Variants in WIPI1 observed in about 807,000 individuals in gnomAD.
The protein encoded by WIPI1 is WD repeat domain phosphoinositide-interacting protein 1.
WIPI1 carries 45 observed loss-of-function variants against 55.3 expected under a neutral mutation model. That is an observed-to-expected ratio of 0.81 (90% CI 0.64 to 1.04). The LOEUF is 1.04. Ranked by LOEUF, WIPI1 falls within the 50% of genes least tolerant of loss-of-function variation. The probability of loss-of-function intolerance (pLI) is 0.00; values close to 1 mark genes in which losing one functional copy is unlikely to be tolerated. For synonymous variants in WIPI1, 195 were observed against 217.6 expected (o/e 0.90, Z 0.92); for missense variants, 445 against 559.0 (o/e 0.80, Z 2.06).
At chr17:68,430,494 T>G (rs2083459997) in intron 8 of WIPI1, among the ~76,000 whole-genome samples, 1 of 152,210 alleles carries the variant, frequency 6.6e-6, no homozygotes, top group South Asian at 2.1e-4. Flanking sequence ...TGAGATGGAC[T>G]TGATATCCAG....
At chr17:68,436,314 T>C in intron 5 of WIPI1, 68 bp downstream of exon 5, 1 of 1,457,892 alleles carries the variant, frequency 6.9e-7, no homozygotes, top group East Asian at 2.3e-5. Flanking sequence ...GGCGTCCTTA[T>C]CTATCTCCTT....
At chr17:68,455,770 TA>T (rs2084632085) in intron 1 of WIPI1, among the ~76,000 whole-genome samples, 1 of 152,234 alleles carries the variant, frequency 6.6e-6, no homozygotes, top group Non-Finnish European at 1.5e-5. Flanking sequence ...TTGCGTTATT[TA>T]ATGGCTAGAG....
Position 68,457,342 on chromosome 17 carries a change from G to C in WIPI1, c.80C>G (p.Thr27Arg), listed in dbSNP as rs1232249781. The change falls in exon 1 of 13, where the codon ACA becomes AGA. Residue 27 changes from threonine (T) to arginine (R), a missense_variant and splice_region_variant. Transcript: ENST00000262139. ...LSCFSFNQDC[T>R]SLATGTKAGY... The stretch of plus-strand genomic sequence containing the variant: ...TGGCAGGGGCCGAGTCGCAGCTTAC[G>C]TGCAGTCCTGGTTGAAAGAGAAGCA... 6.5e-7 allele frequency: 1 copy of C among 1,546,052 alleles called. No individual in the cohort carries two copies. The highest frequency in any genetic ancestry group is 2.0e-5 in the Admixed American group (1 of 51,186).
intron 1 of WIPI1, among the ~76,000 whole-genome samples, chr17:68,456,079 G>A (rs892588689): frequency 1.5e-4 from 23 of 152,308 alleles, no homozygotes; most frequent in Admixed American, 1.3e-3. Flanking sequence ...AATTGCACAT[G>A]ATATTTTGTG....
intron 7 of WIPI1, among the ~76,000 whole-genome samples, chr17:68,434,161 T>TC (rs1318135587): frequency 1.3e-5 from 2 of 152,166 alleles, no homozygotes; most frequent in Non-Finnish European, 2.9e-5. Context: ...CTTGGAATCT[T>TC]CCAGTTGCTC....
intron 1 of WIPI1, 34 bp downstream of exon 1, chr17:68,457,308 C>T (rs1432791985): frequency 1.3e-6 from 2 of 1,538,700 alleles, no homozygotes; most frequent in East Asian, 2.6e-5. Flanking sequence ...ACTCTGTCCC[C>T]CACCTCCCTG....
In WIPI1 at chr17:68,423,250, TC is replaced by T. The variant is rs79803247; in HGVS notation, c.1294-1431del. On this transcript the variant is annotated intron_variant, in intron 12 of 12. Transcript: ENST00000262139. The surrounding 1 kb of genome is among the most constrained non-coding windows in gnomAD (Gnocchi z 4.4). The stretch of plus-strand genomic sequence containing the variant: ...CAGAATAAGGAGACAGAGAGGAAGT[TC>T]CCTAGCATCCCTCGCTGAACATTTC... Among the ~76,000 whole-genome samples, 4,574 of 152,230 alleles carry T rather than the reference TC, an allele frequency of 0.03. 192 individuals are homozygous for T. The highest frequency in any genetic ancestry group is 0.18 in the South Asian group (858 of 4,822).
chr17:68,445,744 C>T (rs919536599), intron 3 of WIPI1, among the ~76,000 whole-genome samples: 2 of 152,188 alleles, frequency 1.3e-5, no homozygotes, highest in Admixed American at 1.3e-4. Context: ...GGGCAGACAT[C>T]GGTGCTGGTG....
chr17:68,427,466 C>T (rs555185209), intron 10 of WIPI1: 53 of 357,418 alleles, frequency 1.5e-4, no homozygotes, highest in Middle Eastern at 8.3e-4. Context: ...AAGCGATTCT[C>T]CTGCCTCAGC....
At chr17:68,457,073 C>G (rs1334945176) in intron 1 of WIPI1, among the ~76,000 whole-genome samples, 3 of 152,210 alleles carry the variant, frequency 2.0e-5, no homozygotes, top group African/African-American at 7.2e-5. Flanking sequence ...CCCCGCAGCC[C>G]CACCACTCCC....
chr17:68,450,701 G>C, intron 3 of WIPI1, 27 bp downstream of exon 3: 1 of 1,584,184 alleles, frequency 6.3e-7, no homozygotes. Flanking sequence ...CAGAAGCTTT[G>C]AAACCCTGAG....
At chr17:68,421,936 G>T in intron 12 of WIPI1, 116 bp from the exon 13 acceptor site, 1 of 1,347,966 alleles carries the variant, frequency 7.4e-7, no homozygotes. Context: ...GGGCACTGTG[G>T]AATTTTTCTG....
intron 12 of WIPI1, 110 bp from the exon 13 acceptor site, chr17:68,421,930 A>G: frequency 6.9e-7 from 1 of 1,439,096 alleles, no homozygotes; most frequent in Admixed American, 1.7e-5. Context: ...GAGGCTGGGC[A>G]CTGTGGAATT....
intron 8 of WIPI1, 37 bp downstream of exon 8, chr17:68,433,431 C>T (rs187201916): frequency 1.4e-5 from 22 of 1,574,582 alleles, no homozygotes; most frequent in Non-Finnish European, 1.8e-5. Context: ...TGACTCCTTT[C>T]GTTTAATGAG....
At chr17:68,434,471 C>T in intron 7 of WIPI1, 85 bp downstream of exon 7, 1 of 1,445,240 alleles carries the variant, frequency 6.9e-7, no homozygotes, top group Non-Finnish European at 9.5e-7. Flanking sequence ...CAGAGCCACT[C>T]TCTGTCCTCT....
chr17:68,439,803 G>A (rs1442161774), intron 4 of WIPI1, among the ~76,000 whole-genome samples: 1 of 152,146 alleles, frequency 6.6e-6, no homozygotes, highest in East Asian at 1.9e-4. Flanking sequence ...TGAAATGAAG[G>A]CTACCGTGAT....
Position 68,429,995 on chromosome 17 carries a change from C to T in WIPI1, c.965+1G>A, listed in dbSNP as rs1568628155. On this transcript the variant is annotated splice_donor_variant, in intron 9 of 12. Coordinates refer to ENST00000262139, the MANE Select transcript of WIPI1 (RefSeq NM_017983.7). LOFTEE classifies it high-confidence loss of function. ...TTCAGAGTGGGTGTCATTGTACGTA[C>T]GTTGAGAGGGTACAGATGTTCCTCT... 8.7e-6 allele frequency: 14 copies of T among 1,614,030 alleles called. No homozygotes were observed. The highest frequency in any genetic ancestry group is 1.6e-4 in the Middle Eastern group (1 of 6,062).
chr17:68,453,267 A>G (rs2084559790), intron 1 of WIPI1, among the ~76,000 whole-genome samples: 1 of 152,168 alleles, frequency 6.6e-6, no homozygotes. Context: ...CAAAATGTCA[A>G]ATCTAGCAGA....
At chr17:68,443,855 A>G (rs1419332178) in intron 4 of WIPI1, among the ~76,000 whole-genome samples, 1 of 152,238 alleles carries the variant, frequency 6.6e-6, no homozygotes, top group African/African-American at 2.4e-5. Flanking sequence ...CCCACCACAC[A>G]ATGAAGGAAT....
Sources: gnomAD v4.1 joint callset for allele counts (sites outside exome capture counted in the v4.1 genomes callset) on GRCh38, gnomAD v4.1.1 for gene constraint, Gnocchi (gnomAD v3.1) non-coding constraint, MANE v1.5 for transcripts, NCBI Gene and HGNC (gene_info 2026-07-23, HGNC 2026-07-21) for gene names.